Variants in NDRG3 observed in about 807,000 individuals in gnomAD.
NDRG3 encodes protein NDRG3.
Under a neutral mutation model 57.2 loss-of-function variants are expected in NDRG3, and 23 were observed. That is an observed-to-expected ratio of 0.40 (90% CI 0.29 to 0.57). The LOEUF (loss-of-function observed/expected upper bound fraction) is 0.57. NDRG3 is among the 20% of genes least tolerant of loss of function. The pLI is 0.42. For synonymous variants in NDRG3, 132 were observed against 162.6 expected (o/e 0.81, Z 1.43); for missense variants, 384 against 457.3 (o/e 0.84, Z 1.46).
intron 12 of NDRG3, among the ~76,000 whole-genome samples, chr20:36,662,106 C>T (rs1330181662): frequency 6.6e-6 from 1 of 152,104 alleles, no homozygotes; most frequent in Non-Finnish European, 1.5e-5. Context: ...GAAGAGTGAA[C>T]TCTCAAATCT....
At chr20:36,715,651 C>G (rs553531487) in intron 2 of NDRG3, among the ~76,000 whole-genome samples, 98 of 150,030 alleles carry the variant, frequency 6.5e-4, no homozygotes, top group Non-Finnish European at 1.2e-3. Flanking sequence ...GACCTCTTCT[C>G]TACAAATAAC....
intron 2 of NDRG3, among the ~76,000 whole-genome samples, chr20:36,710,160 A>T (rs1317650963): frequency 6.6e-6 from 1 of 152,026 alleles, no homozygotes; most frequent in Non-Finnish European, 1.5e-5. Context: ...TCTCTATAAA[A>T]AATGCAAAAA....
chr20:36,684,526 GT>G (rs1191097338), intron 5 of NDRG3, 51 bp from the exon 6 acceptor site: 17 of 1,506,800 alleles, frequency 1.1e-5, no homozygotes, highest in Non-Finnish European at 1.5e-5. Context: ...ACAATTCCCA[GT>G]TGCTAGAACA....
At chr20:36,732,288 A>G (rs1985332783) in intron 1 of NDRG3, among the ~76,000 whole-genome samples, 1 of 152,248 alleles carries the variant, frequency 6.6e-6, no homozygotes, top group African/African-American at 2.4e-5. Context: ...AATAGAAAAC[A>G]GAAAACATGT....
intron 9 of NDRG3, 127 bp from the exon 10 acceptor site, chr20:36,666,519 G>A: frequency 1.5e-6 from 1 of 670,912 alleles, no homozygotes; most frequent in South Asian, 1.7e-5. Flanking sequence ...GGCAGAGCCT[G>A]GGGACTACTG....
At chr20:36,675,057 G>A (rs1700121361) in intron 8 of NDRG3, among the ~76,000 whole-genome samples, 1 of 137,144 alleles carries the variant, frequency 7.3e-6, no homozygotes, top group Admixed American at 7.5e-5. Context: ...ACCACAACTG[G>A]CATTTTTTTT....
intron 3 of NDRG3, among the ~76,000 whole-genome samples, chr20:36,694,593 T>C (rs1184727247): frequency 1.3e-5 from 2 of 152,172 alleles, no homozygotes; most frequent in Non-Finnish European, 2.9e-5. Context: ...AAACCCTTCA[T>C]CCTATGACCC....
At chr20:36,720,910 G>C (rs1307288602) in intron 2 of NDRG3, among the ~76,000 whole-genome samples, 1 of 151,594 alleles carries the variant, frequency 6.6e-6, no homozygotes, top group Non-Finnish European at 1.5e-5. Context: ...CGAGTAGCTG[G>C]GATTACAGGT....
intron 1 of NDRG3, among the ~76,000 whole-genome samples, chr20:36,740,533 G>C (rs186847146): frequency 6.6e-6 from 1 of 152,272 alleles, no homozygotes; most frequent in Non-Finnish European, 1.5e-5. Context: ...TTTTAGTAGA[G>C]ACAGTTTGCC....
At chr20:36,737,932 C>T (rs147048205) in intron 1 of NDRG3, among the ~76,000 whole-genome samples, 4 of 151,598 alleles carry the variant, frequency 2.6e-5, no homozygotes, top group South Asian at 2.1e-4. Flanking sequence ...GGCATGGTGG[C>T]GGTCACCTGT....
chr20:36,744,816 A>G (rs1986102434), intron 1 of NDRG3, among the ~76,000 whole-genome samples: 1 of 152,210 alleles, frequency 6.6e-6, no homozygotes, highest in Non-Finnish European at 1.5e-5. Flanking sequence ...AAAGGCAGAA[A>G]GCCTCGGACA....
At chr20:36,728,390 G>A (rs963408927) in intron 1 of NDRG3, among the ~76,000 whole-genome samples, 1 of 152,170 alleles carries the variant, frequency 6.6e-6, no homozygotes, top group Admixed American at 6.6e-5. Context: ...TCCCATTACA[G>A]GTTGAGCATC....
At chr20:36,662,254 G>A (rs1979269363) in intron 12 of NDRG3, among the ~76,000 whole-genome samples, 1 of 148,168 alleles carries the variant, frequency 6.7e-6, no homozygotes, top group Non-Finnish European at 1.5e-5. Flanking sequence ...TTGAGATGGA[G>A]TCTTGTTCTG....
chr20:36,657,930 A>C (rs753656924), intron 13 of NDRG3, among the ~76,000 whole-genome samples: 3 of 152,212 alleles, frequency 2.0e-5, no homozygotes, highest in Non-Finnish European at 2.9e-5. Flanking sequence ...ACTGGGAGAA[A>C]CTATTTCCAA....
chr20:36,654,675 T>C (rs2148013103), intron 15 of NDRG3: 1 of 695,060 alleles, frequency 1.4e-6, no homozygotes, highest in Non-Finnish European at 2.7e-6. Context: ...GCTAAATCTC[T>C]TGGGGCGTAC....
Position 36,689,822 on chromosome 20 carries a change from G to C in NDRG3, c.94-1038C>G, listed in dbSNP as rs534293287. 4.8e-3 allele frequency among the ~76,000 whole-genome samples: 720 copies of C among 149,934 alleles called. 3 individuals carry two copies. Among genetic ancestry groups the C allele is most frequent in the Non-Finnish European group, 7.8e-3 (530 of 67,782 alleles). ...TGCAAGCTCCGCCTCCTGGGTTCACGCCATTCTCCTGGCTCAGCCTCCCAA... is the reference window on the plus strand; with the variant it reads ...TGCAAGCTCCGCCTCCTGGGTTCACCCCATTCTCCTGGCTCAGCCTCCCAA... On this transcript the variant is annotated intron_variant, in intron 3 of 15. Transcript: ENST00000349004.
chr20:36,714,914 A>G (rs1385129681), intron 2 of NDRG3, among the ~76,000 whole-genome samples: 4 of 148,976 alleles, frequency 2.7e-5, no homozygotes. Context: ...CGCCAGGCCC[A>G]GCAAATTGTT....
intron 3 of NDRG3, among the ~76,000 whole-genome samples, chr20:36,692,087 C>A (rs1215925771): frequency 6.6e-6 from 1 of 152,104 alleles, no homozygotes; most frequent in East Asian, 1.9e-4. Context: ...ACTAAACAGA[C>A]AGGAAAATGG....
chr20:36,743,993 C>T (rs1210985199), intron 1 of NDRG3, among the ~76,000 whole-genome samples: 2 of 147,540 alleles, frequency 1.4e-5, no homozygotes, highest in Non-Finnish European at 3.0e-5. Context: ...CTCCAGCTCC[C>T]GGGTTCACGC....
Sources: gnomAD v4.1 joint callset for allele counts (sites outside exome capture counted in the v4.1 genomes callset) on GRCh38, gnomAD v4.1.1 for gene constraint, MANE v1.5 for transcripts, NCBI Gene and HGNC (gene_info 2026-07-23, HGNC 2026-07-21) for gene names.